Variants in CEP295 observed in about 807,000 individuals in gnomAD.
CEP295 encodes the protein centrosomal protein 295, also known as centrosomal protein of 295 kDa.
Under a neutral mutation model 291.6 loss-of-function variants are expected in CEP295, and 190 were observed. That is an observed-to-expected ratio of 0.65 (90% CI 0.58 to 0.73). The LOEUF is 0.73. Ranked by LOEUF, CEP295 falls within the 30% of genes least tolerant of loss-of-function variation. The pLI, the probability that CEP295 is intolerant of heterozygous loss-of-function variation, is 0.00. For missense variants in CEP295, 2,863 were observed against 2,949.4 expected (o/e 0.97, Z 0.68); for synonymous variants, 993 against 1,038.8 (o/e 0.96, Z 0.85).
At chr11:93,726,685 TTTTC>T (rs1954169274) in intron 23 of CEP295, 2 of 247,490 alleles carry the variant, frequency 8.1e-6, no homozygotes, top group Non-Finnish European at 1.5e-5. Context: ...CTTTATTCTC[TTTTC>T]TGTTATTAAA....
intron 18 of CEP295, among the ~76,000 whole-genome samples, chr11:93,712,426 G>C (rs924919573): frequency 2.6e-5 from 4 of 151,634 alleles, no homozygotes; most frequent in Non-Finnish European, 5.9e-5. Flanking sequence ...GCTAATTTTT[G>C]TATTTTTAGT....
At chr11:93,676,317 T>G (rs1167613217) in intron 6 of CEP295, among the ~76,000 whole-genome samples, 1 of 152,002 alleles carries the variant, frequency 6.6e-6, no homozygotes, top group African/African-American at 2.4e-5. Context: ...ACCATAGCCT[T>G]TTCTGCACTG....
chr11:93,713,959 A>C (rs1393488606), intron 18 of CEP295, among the ~76,000 whole-genome samples: 1 of 152,164 alleles, frequency 6.6e-6, no homozygotes, highest in Non-Finnish European at 1.5e-5. Flanking sequence ...TCCAGTCTTC[A>C]GTATGTCGAT....
chr11:93,728,681 G>T lies in CEP295; in HGVS notation c.7162G>T (p.Glu2388Ter). 6.5e-7 allele frequency: 1 copy of T among 1,528,710 alleles called. No homozygotes were observed. Among genetic ancestry groups the T allele is most frequent in the Non-Finnish European group, 8.8e-7 (1 of 1,139,958 alleles). 94.7% of individuals were successfully genotyped at this position (1,528,710 alleles called of 1,614,324 possible). The change falls in exon 25 of 30, where the codon GAA becomes TAA. Residue 2388 changes from glutamate (E) to a stop codon, truncating the protein, a stop_gained and splice_region_variant. Coordinates refer to ENST00000325212, the MANE Select transcript of CEP295 (RefSeq NM_033395.2). LOFTEE classifies it high-confidence loss of function. ...FSLQSSIPVW[E>*]TETGHGIMEE... ...TTTTCCTTTTAATTGTGGTTCACAG[G>T]AAACAGAAACTGGCCATGGTATAAT... is the stretch of plus-strand genomic sequence containing the variant.
intron 9 of CEP295, among the ~76,000 whole-genome samples, chr11:93,685,700 C>CTTTGTTTGTTTGTTTGTTTGTTTG (rs55948111): frequency 6.6e-6 from 1 of 150,576 alleles, no homozygotes; most frequent in East Asian, 2.0e-4. Flanking sequence ...TCAGCTGTGT[C>CTTTGTTTGTTTGTTTGTTTGTTTG]TTTGTTTGTT....
chr11:93,697,727 C>A lies in CEP295; in HGVS notation c.2815C>A (p.Leu939Ile), dbSNP rs375222461. The change falls in exon 15 of 30, where the codon CTT (leucine) becomes ATT (isoleucine). Residue 939 changes from leucine to isoleucine, a missense_variant. Around this residue, in one of 3 missense-constraint regions of CEP295, gnomAD observed 2,295 missense variants for 2,335.7 expected, o/e 0.98. Transcript: ENST00000325212. ...ISQLQDKRLS[L>I]SQPILSQQNN... The stretch of plus-strand genomic sequence containing the variant: ...ACAACTTCAGGATAAGCGTTTGAGT[C>A]TTTCACAGCCTATCCTATCACAGCA... The A allele has an allele frequency of 1.5e-5, 23 of 1,551,504 alleles. No individual in the cohort carries two copies. Among genetic ancestry groups the A allele is most frequent in the Non-Finnish European group, 1.7e-5 (20 of 1,146,964 alleles).
At chr11:93,724,223 A>G in intron 21 of CEP295, 31 bp from the exon 22 acceptor site, 1 of 1,526,118 alleles carries the variant, frequency 6.6e-7, no homozygotes, top group Non-Finnish European at 8.8e-7. Flanking sequence ...TTTTCCCTCA[A>G]AAATTCTAAC....
chr11:93,680,632 A>G (rs1950915676), intron 7 of CEP295, among the ~76,000 whole-genome samples: 1 of 152,206 alleles, frequency 6.6e-6, no homozygotes, highest in Non-Finnish European at 1.5e-5. Flanking sequence ...CCCTGGTGAC[A>G]GAGTGAGATT....
rs1252920434 is a variant in CEP295, at chr11:93,699,960, G to A, written c.5048G>A (p.Ser1683Asn). The A allele has an allele frequency of 6.4e-7, 1 of 1,551,702 alleles. No homozygotes were observed. Among genetic ancestry groups the A allele is most frequent in the South Asian group, 1.2e-5 (1 of 84,062 alleles). ...CAGAATGAACATGCAGCCCCCCCAA[G>A]TAATCCTGTGATCCCAGGGTTTCAA... is the stretch of plus-strand genomic sequence containing the variant. The part of the protein sequence containing the change: ...SSQNEHAAPP[S>N]NPVIPGFQDR... Residue 1683 changes from serine (S) to asparagine (N), a missense_variant, in exon 15 of 30, where the codon AGT becomes AAT. Around this residue, in one of 3 missense-constraint regions of CEP295, gnomAD observed 2,295 missense variants for 2,335.7 expected, o/e 0.98. Transcript: ENST00000325212.
intron 6 of CEP295, 102 bp from the exon 7 acceptor site, chr11:93,679,310 T>C (rs1565439931): frequency 3.1e-6 from 3 of 957,956 alleles, no homozygotes; most frequent in Non-Finnish European, 4.6e-6. Flanking sequence ...CTTCTTATAT[T>C]TTATATATGT....
chr11:93,717,562 C>T (rs1350610264), intron 18 of CEP295, among the ~76,000 whole-genome samples: 1 of 152,094 alleles, frequency 6.6e-6, no homozygotes, highest in Non-Finnish European at 1.5e-5. Flanking sequence ...GTTTCAGTAC[C>T]TGAAAAGTTC....
intron 18 of CEP295, among the ~76,000 whole-genome samples, chr11:93,720,191 C>T (rs532266812): frequency 1.3e-4 from 19 of 151,770 alleles, no homozygotes; most frequent in African/African-American, 4.3e-4. Flanking sequence ...GACTCTGTCT[C>T]GCCAGGCGTG....
chr11:93,725,259 A>AT (rs1954060306), intron 22 of CEP295, among the ~76,000 whole-genome samples: 1 of 151,946 alleles, frequency 6.6e-6, no homozygotes, highest in East Asian at 1.9e-4. Context: ...AAAAAAAAAA[A>AT]GGAAAACAGC....
intron 5 of CEP295, among the ~76,000 whole-genome samples, chr11:93,670,572 T>C (rs1950393584): frequency 6.6e-6 from 1 of 152,188 alleles, no homozygotes; most frequent in Non-Finnish European, 1.5e-5. Context: ...GTATATTCTG[T>C]ATAAGCATAA....
rs1467932081 is a variant in CEP295, at chr11:93,668,849, G to T, written c.351G>T (p.Arg117Ser). The change falls in exon 4 of 30, where the codon AGG (arginine) becomes AGT (serine). Residue 117 changes from arginine (R) to serine (S), a missense_variant. This residue lies in a region of CEP295 where 554 missense variants were observed against 576.0 expected (regional missense o/e 0.96). Transcript: ENST00000325212. Reference sequence around the variant, plus strand: ...CTTTGGCACAGCGGGCAGCAGAAAGGAAAAGAAAAGCAGATTTGAGGCATA... The same window carrying T: ...CTTTGGCACAGCGGGCAGCAGAAAGTAAAAGAAAAGCAGATTTGAGGCATA... ...LDALAQRAAERKRKADLRHKE... is the reference protein window; with the variant it reads ...LDALAQRAAESKRKADLRHKE... The T allele has an allele frequency of 6.6e-7, 1 of 1,521,724 alleles. No homozygotes were observed. Among genetic ancestry groups the T allele is most frequent in the East Asian group, 2.5e-5 (1 of 40,220 alleles). 94.3% of individuals were successfully genotyped at this position (1,521,724 alleles called of 1,614,324 possible). A position where few individuals can be genotyped will look rare whatever the true frequency, so the allele number is the denominator to read the frequency against.
intron 9 of CEP295, among the ~76,000 whole-genome samples, chr11:93,686,820 C>G (rs959447143): frequency 6.6e-6 from 1 of 152,130 alleles, no homozygotes; most frequent in Non-Finnish European, 1.5e-5. Flanking sequence ...ATTCAGTAAG[C>G]TATACACTTA....
intron 19 of CEP295, 34 bp downstream of exon 19, chr11:93,721,446 G>C (rs1396274101): frequency 7.7e-7 from 1 of 1,298,202 alleles, no homozygotes; most frequent in Admixed American, 1.7e-5. Flanking sequence ...TCGATTTTTA[G>C]AGCTGTTTGG....
At chr11:93,677,128 T>C (rs1950732635) in intron 6 of CEP295, among the ~76,000 whole-genome samples, 1 of 152,118 alleles carries the variant, frequency 6.6e-6, no homozygotes, top group South Asian at 2.1e-4. Flanking sequence ...TAAAATGTGA[T>C]GACCAATGTG....
intron 20 of CEP295, chr11:93,722,742 A>G (rs956755959): frequency 3.1e-5 from 8 of 261,666 alleles, no homozygotes; most frequent in Admixed American, 1.0e-4. Flanking sequence ...TAAAAGGAAT[A>G]TAGTGTCGCT....
Sources: gnomAD v4.1 joint callset for allele counts (sites outside exome capture counted in the v4.1 genomes callset) on GRCh38, gnomAD v4.1.1 for gene constraint, gnomAD v4.1.1 regional missense constraint, MANE v1.5 for transcripts, NCBI Gene and HGNC (gene_info 2026-07-23, HGNC 2026-07-21) for gene names.